The following CAMKMT variants were observed in gnomAD, a reference collection of about 807,000 sequenced individuals.
CAMKMT encodes CaM KMT.
A neutral mutation model predicts 48.0 loss-of-function variants in CAMKMT; 53 were observed. The observed-to-expected ratio is 1.10, with a 90% CI of 0.89 to 1.39. The LOEUF (loss-of-function observed/expected upper bound fraction) is 1.39, where lower values mean the gene tolerates loss of function less well. CAMKMT is among the 40% of genes most tolerant of loss of function. The pLI, the probability that CAMKMT is intolerant of heterozygous loss-of-function variation, is 0.00. For synonymous variants in CAMKMT, 165 were observed against 152.3 expected (o/e 1.08, Z -0.61); for missense variants, 428 against 402.7 (o/e 1.06, Z -0.54).
At chr2:44,530,175 A>C (rs1666406684) in intron 3 of CAMKMT, among the ~76,000 whole-genome samples, 1 of 152,222 alleles carries the variant, frequency 6.6e-6, no homozygotes, top group African/African-American at 2.4e-5. Flanking sequence ...ATGATAGGGT[A>C]GTGAATGTGA....
chr2:44,410,824 CA>C (rs1572801564), intron 3 of CAMKMT, among the ~76,000 whole-genome samples: 1 of 152,174 alleles, frequency 6.6e-6, no homozygotes, highest in African/African-American at 2.4e-5. Context: ...TAAAAACAAA[CA>C]AATTCTGTTT....
chr2:44,402,310 C>CTA (rs1558581566), intron 3 of CAMKMT, among the ~76,000 whole-genome samples: 2 of 134,270 alleles, frequency 1.5e-5, no homozygotes, highest in African/African-American at 6.0e-5. Context: ...GCTTGGGTGA[C>CTA]ACAGCAAGAC....
chr2:44,709,970 G>A (rs56014700), intron 6 of CAMKMT, among the ~76,000 whole-genome samples: 2,471 of 151,960 alleles, frequency 0.016, 26 homozygotes, highest in Non-Finnish European at 0.028. Flanking sequence ...ATGGCATATC[G>A]CATCTGAGTA....
At chr2:44,639,658 G>C (rs1673337069) in intron 3 of CAMKMT, among the ~76,000 whole-genome samples, 2 of 152,198 alleles carry the variant, frequency 1.3e-5, no homozygotes, top group Admixed American at 1.3e-4. Context: ...CATGTCATTG[G>C]AACAACTTTC....
chr2:44,415,595 A>G (rs1425595438), intron 3 of CAMKMT, among the ~76,000 whole-genome samples: 1 of 152,220 alleles, frequency 6.6e-6, no homozygotes, highest in Non-Finnish European at 1.5e-5. Flanking sequence ...ATAAATTTCT[A>G]ATGTAAACAG....
chr2:44,676,450 G>A (rs554052784), intron 3 of CAMKMT: 1 of 152,294 alleles, frequency 6.6e-6, no homozygotes, highest in African/African-American at 2.4e-5. Flanking sequence ...CACTCCTATT[G>A]TTGTTAATGG....
At position 44,521,540 on chromosome 2, in the gene CAMKMT, A is replaced by T. The variant is rs544943474; in HGVS notation, c.376+131235A>T. Among the ~76,000 whole-genome samples the T allele has an allele frequency of 5.3e-5, 8 of 152,248 alleles. No individual in the cohort carries two copies. In the South Asian group the frequency reaches 1.7e-3, roughly 32 times the overall value. On this transcript the variant is annotated intron_variant, in intron 3 of 10. Transcript: ENST00000378494. ...GTGATTCACCCGCCTTGGCCTCCCA[A>T]AGTGCTGGGATTACAGGCCTGAGCC...
At chr2:44,640,238 C>T (rs549117763) in intron 3 of CAMKMT, among the ~76,000 whole-genome samples, 69 of 152,206 alleles carry the variant, frequency 4.5e-4, no homozygotes, top group Non-Finnish European at 8.7e-4. Flanking sequence ...GAAAAATGAA[C>T]ACTGGTTCTT....
chr2:44,567,289 C>T (rs1668664965), intron 3 of CAMKMT, among the ~76,000 whole-genome samples: 1 of 152,142 alleles, frequency 6.6e-6, no homozygotes. Flanking sequence ...GTGACATATG[C>T]AACCCGACCA....
At chr2:44,576,774 G>A (rs1487802476) in intron 3 of CAMKMT, among the ~76,000 whole-genome samples, 1 of 152,184 alleles carries the variant, frequency 6.6e-6, no homozygotes, top group Non-Finnish European at 1.5e-5. Flanking sequence ...GCTACCATTT[G>A]CTCAGAAATA....
At position 44,493,968 on chromosome 2, in the gene CAMKMT, A is replaced by T. The variant is rs1669636359; in HGVS notation, c.376+103663A>T. ...AAAAGCCATGGATTTTAAACCACTT[A>T]GTAATTTGGTTTCATTTTTAACACA... On this transcript the variant is annotated intron_variant, in intron 3 of 10. Transcript: ENST00000378494. 1.3e-5 allele frequency among the ~76,000 whole-genome samples: 2 copies of T among 152,240 alleles called. 1 individual carries two copies. Among genetic ancestry groups the T allele is most frequent in the African/African-American group, 4.8e-5 (2 of 41,468 alleles).
At position 44,657,658 on chromosome 2, in the gene CAMKMT, A is replaced by T. The variant is rs958955955; in HGVS notation, c.377-46625A>T. Among the ~76,000 whole-genome samples the T allele has an allele frequency of 1.1e-4, 17 of 152,206 alleles. No individual in the cohort carries two copies. Among genetic ancestry groups the T allele is most frequent in the African/African-American group, 4.1e-4 (17 of 41,448 alleles). On this transcript the variant is annotated intron_variant, in intron 3 of 10. Transcript: ENST00000378494. The surrounding 1 kb of genome is among the most constrained non-coding windows in gnomAD (Gnocchi z 4.3). ...GAAAGCAGCTTATCACTTCACTAAT[A>T]CAGCAAAAGCAAGGCATTCTGTTGT...
At chr2:44,676,845 T>G (rs1040415751) in intron 3 of CAMKMT, 11 of 152,266 alleles carry the variant, frequency 7.2e-5, no homozygotes, top group African/African-American at 2.2e-4. Context: ...TAGTAGATGC[T>G]AAGTAAATGG....
At chr2:44,480,524 C>T (rs1668913498) in intron 3 of CAMKMT, among the ~76,000 whole-genome samples, 1 of 152,140 alleles carries the variant, frequency 6.6e-6, no homozygotes, top group Admixed American at 6.5e-5. Flanking sequence ...TTCAGAAATT[C>T]AGCAACCCTT....
chr2:44,444,223 A>G lies in CAMKMT; in HGVS notation c.376+53918A>G, dbSNP rs368675396. Reference sequence around the variant, plus strand: ...ATACCATAGGAGATTTTGAAAGAGCATTAAATTCAGTCCTGCCTTGAGCAA... The same window carrying G: ...ATACCATAGGAGATTTTGAAAGAGCGTTAAATTCAGTCCTGCCTTGAGCAA... On this transcript the variant is annotated intron_variant, in intron 3 of 10. Transcript: ENST00000378494. Among the ~76,000 whole-genome samples the G allele has an allele frequency of 3.9e-5, 6 of 152,340 alleles. No individual in the cohort carries two copies. In the East Asian group the frequency reaches 9.6e-4, roughly 24 times the overall value.
chr2:44,372,457 A>C (rs1679273677), intron 1 of CAMKMT, among the ~76,000 whole-genome samples: 1 of 133,286 alleles, frequency 7.5e-6, no homozygotes, highest in East Asian at 2.1e-4. Flanking sequence ...ACAAAGTAAG[A>C]TCCTGTCTCA....
chr2:44,728,830 G>A (rs186813649), intron 7 of CAMKMT, among the ~76,000 whole-genome samples: 17 of 147,210 alleles, frequency 1.2e-4, no homozygotes, highest in Admixed American at 1.1e-3. Context: ...GATAGCTAGG[G>A]GGTCTATCCT....
chr2:44,531,626 G>A (rs994666025), intron 3 of CAMKMT, among the ~76,000 whole-genome samples: 1 of 152,056 alleles, frequency 6.6e-6, no homozygotes, highest in African/African-American at 2.4e-5. Flanking sequence ...TCCACTTTAT[G>A]ATTATTGTTT....
chr2:44,703,771 T>TAA (rs547342457), intron 3 of CAMKMT, among the ~76,000 whole-genome samples: 95 of 83,960 alleles, frequency 1.1e-3, no homozygotes, highest in Admixed American at 2.6e-3. Flanking sequence ...AGCAAGACTC[T>TAA]AAAAAAAAAA....
Sources: allele counts gnomAD v4.1 joint callset (sites outside exome capture counted in the v4.1 genomes callset), GRCh38; gene constraint gnomAD v4.1.1; non-coding constraint Gnocchi (gnomAD v3.1); transcripts MANE v1.5; gene names NCBI Gene and HGNC (gene_info 2026-07-23, HGNC 2026-07-21).